Variants in ROPN1B observed in about 807,000 individuals in gnomAD.
ROPN1B encodes the protein ropporin-1B.
ROPN1B carries 13 observed loss-of-function variants against 23.7 expected under a neutral mutation model. The ratio of observed to expected loss-of-function variants is 0.55; its 90% CI spans 0.36 to 0.87. ROPN1B has a LOEUF of 0.87. Among genes scored for constraint, ROPN1B ranks in the 40% least tolerant of loss-of-function variants. The pLI is 0.01. For synonymous variants in ROPN1B, 67 were observed against 100.4 expected, an observed-to-expected ratio of 0.67 and a Z score of 1.99; for missense variants, 183 against 249.2, an observed-to-expected ratio of 0.73 and a Z score of 1.79.
intron 5 of ROPN1B, among the ~76,000 whole-genome samples, chr3:125,980,462 C>T (rs751544511): frequency 6.6e-6 from 1 of 152,176 alleles, no homozygotes; most frequent in Non-Finnish European, 1.5e-5. Context: ...TCTTCTGAGA[C>T]GTTTCTCCTT....
At chr3:125,982,980 C>A (rs1037856946) in intron 6 of ROPN1B, among the ~76,000 whole-genome samples, 2 of 152,058 alleles carry the variant, frequency 1.3e-5, no homozygotes, top group Admixed American at 6.6e-5. Context: ...CCCATCTTTA[C>A]TAAAAATACA....
At chr3:125,977,541 T>C (rs907971740) in intron 5 of ROPN1B, 22 of 324,554 alleles carry the variant, frequency 6.8e-5, no homozygotes, top group African/African-American at 4.3e-4. Context: ...CAATAGACAC[T>C]GTTTAAAAGG....
At chr3:125,972,647 T>C (rs1277872150) in intron 3 of ROPN1B, 1 of 360,778 alleles carries the variant, frequency 2.8e-6, no homozygotes, top group East Asian at 6.9e-5. Flanking sequence ...GCTAGTTCAC[T>C]CCTTTAAGGA....
chr3:125,971,461 G>C (rs1325062621), intron 2 of ROPN1B, among the ~76,000 whole-genome samples: 1 of 152,182 alleles, frequency 6.6e-6, no homozygotes, highest in Non-Finnish European at 1.5e-5. Context: ...GGAACTTTTT[G>C]AGAGAAAATG....
rs756120052 is a variant in ROPN1B at position 125,972,087 on chromosome 3, G to C, written c.33G>C (p.Pro11=). The change falls in exon 3 of 7, where the codon CCG becomes CCC. Residue 11 remains proline (P), a synonymous_variant. Coordinates refer to ENST00000514116, the MANE Select transcript of ROPN1B (RefSeq NM_001308313.2). MAQTDKPTCI[P]PELPKMLKEF... ...AGACAGATAAGCCAACATGCATCCC[G>C]CCGGAGCTGCCGAAAATGCTGAAGG... 1 of 1,614,040 alleles carries C rather than the reference G, an allele frequency of 6.2e-7. No individual in the cohort carries two copies. Among genetic ancestry groups the C allele is most frequent in the South Asian group, 1.1e-5 (1 of 91,084 alleles).
intron 3 of ROPN1B, among the ~76,000 whole-genome samples, chr3:125,975,153 T>C (rs1033513475): frequency 6.6e-6 from 1 of 152,206 alleles, no homozygotes; most frequent in Non-Finnish European, 1.5e-5. Flanking sequence ...TGCCTTCCCC[T>C]TTCTTACGTA....
chr3:125,976,900 A>G (rs1239422302), intron 4 of ROPN1B, 104 bp from the exon 5 acceptor site: 3 of 717,494 alleles, frequency 4.2e-6, no homozygotes, highest in African/African-American at 1.8e-5. Flanking sequence ...GCCCCTTGCC[A>G]TGTGCTGGGA....
intron 3 of ROPN1B, chr3:125,972,860 T>G: frequency 2.6e-6 from 1 of 377,910 alleles, no homozygotes; most frequent in South Asian, 2.0e-5. Context: ...CTGAAAACAG[T>G]GTGCCTCAAA....
chr3:125,976,013 A>G (rs1249565343), intron 4 of ROPN1B, among the ~76,000 whole-genome samples: 2 of 152,250 alleles, frequency 1.3e-5, no homozygotes, highest in South Asian at 2.1e-4. Flanking sequence ...AGACCATAAT[A>G]TGATGCCAAT....
At chr3:125,975,800 A>C (rs976368918) in intron 4 of ROPN1B, 120 bp downstream of exon 4, 1 of 810,420 alleles carries the variant, frequency 1.2e-6, no homozygotes, top group African/African-American at 1.7e-5. Flanking sequence ...ACCCTAAAAT[A>C]CACTAAACCG....
At chr3:125,973,460 T>C (rs1314403206) in intron 3 of ROPN1B, 2 of 172,766 alleles carry the variant, frequency 1.2e-5, no homozygotes, top group African/African-American at 2.4e-5. Flanking sequence ...GCCTCTAAGA[T>C]TGAACTTTAG....
intron 1 of ROPN1B, among the ~76,000 whole-genome samples, chr3:125,970,594 T>C (rs1938162995): frequency 6.6e-6 from 1 of 152,160 alleles, no homozygotes; most frequent in African/African-American, 2.4e-5. Context: ...TAAAAATTCC[T>C]TTCTTCCCCC....
intron 5 of ROPN1B, among the ~76,000 whole-genome samples, chr3:125,980,812 G>C (rs1938586671): frequency 6.6e-6 from 1 of 152,108 alleles, no homozygotes; most frequent in Non-Finnish European, 1.5e-5. Flanking sequence ...AAAGTTCAGA[G>C]TGTGCTTGCA....
At chr3:125,971,381 A>C (rs1373108559) in intron 2 of ROPN1B, among the ~76,000 whole-genome samples, 2 of 152,028 alleles carry the variant, frequency 1.3e-5, no homozygotes, top group South Asian at 4.1e-4. Flanking sequence ...AAATCTTTTG[A>C]TCTGTTGTTT....
chr3:125,980,621 T>C (rs1459198855), intron 5 of ROPN1B, among the ~76,000 whole-genome samples: 1 of 152,200 alleles, frequency 6.6e-6, no homozygotes, highest in African/African-American at 2.4e-5. Context: ...TCAAATACAA[T>C]TGCATTCTCC....
intron 3 of ROPN1B, chr3:125,972,446 C>T (rs1293327787): frequency 3.8e-6 from 2 of 522,142 alleles, no homozygotes; most frequent in African/African-American, 3.8e-5. Flanking sequence ...AGTTAGATGA[C>T]CGCGTCACAC....
intron 5 of ROPN1B, among the ~76,000 whole-genome samples, chr3:125,980,220 T>A (rs1938565504): frequency 2.0e-5 from 3 of 152,236 alleles, no homozygotes; most frequent in Admixed American, 2.0e-4. Flanking sequence ...GTACAGTTAT[T>A]TATCCACTCA....
At chr3:125,978,070 A>G (rs1317243034) in intron 5 of ROPN1B, 2 of 152,210 alleles carry the variant, frequency 1.3e-5, no homozygotes, top group African/African-American at 4.8e-5. Flanking sequence ...AACTTTTCCT[A>G]TAGCTTCCCC....
chr3:125,980,039 C>CT (rs34018770), intron 5 of ROPN1B, among the ~76,000 whole-genome samples: 24 of 152,132 alleles, frequency 1.6e-4, no homozygotes, highest in African/African-American at 3.9e-4. Context: ...GAAAGAATGA[C>CT]TTTTTTTTAG....
Sources: allele counts gnomAD v4.1 joint callset (sites outside exome capture counted in the v4.1 genomes callset), GRCh38; gene constraint gnomAD v4.1.1; transcripts MANE v1.5; gene names NCBI Gene and HGNC (gene_info 2026-07-23, HGNC 2026-07-21).